Variants in BCAT1 observed in about 807,000 individuals in gnomAD.
BCAT1 encodes branched chain amino acid transaminase 1.
Under a neutral mutation model 52.4 loss-of-function variants are expected in BCAT1, and 48 were observed. The observed-to-expected ratio is 0.92, with a 90% CI of 0.73 to 1.16. The LOEUF is 1.16. BCAT1 is among the 50% of genes most tolerant of loss of function. The pLI, the probability that BCAT1 is intolerant of heterozygous loss-of-function variation, is 0.00. For missense variants in BCAT1, 451 were observed against 457.1 expected (o/e 0.99, Z 0.12); for synonymous variants, 167 against 161.3 (o/e 1.04, Z -0.27).
intron 6 of BCAT1, among the ~76,000 whole-genome samples, chr12:24,846,311 G>C (rs934293942): frequency 6.6e-6 from 1 of 152,152 alleles, no homozygotes; most frequent in African/African-American, 2.4e-5. Context: ...TTTTCCCAGA[G>C]TTCTCTCACA....
intron 6 of BCAT1, 34 bp from the exon 7 acceptor site, chr12:24,842,258 A>G: frequency 6.2e-7 from 1 of 1,609,714 alleles, no homozygotes. Flanking sequence ...GGTTACAAAC[A>G]TACTTCATCC....
intron 5 of BCAT1, among the ~76,000 whole-genome samples, chr12:24,870,743 T>C (rs951343240): frequency 3.9e-5 from 6 of 152,200 alleles, no homozygotes; most frequent in Admixed American, 3.3e-4. Flanking sequence ...AAGATTGTTA[T>C]CAGGCCAAGC....
chr12:24,841,989 A>C (rs10842413), intron 7 of BCAT1, 93 bp downstream of exon 7: 642,954 of 1,415,196 alleles, frequency 0.45, 148,527 homozygotes, highest in East Asian at 0.66. Context: ...GAACTGTGCT[A>C]CTTACTCCCT....
chr12:24,869,775 A>G (rs745520211), intron 5 of BCAT1, among the ~76,000 whole-genome samples: 2 of 152,234 alleles, frequency 1.3e-5, no homozygotes, highest in Non-Finnish European at 2.9e-5. Context: ...CAAAGGAGAA[A>G]GGTACACAAA....
intron 1 of BCAT1, among the ~76,000 whole-genome samples, chr12:24,919,186 AAGAACC>A (rs1943465380): frequency 2.0e-5 from 3 of 152,230 alleles, no homozygotes; most frequent in African/African-American, 7.2e-5. Flanking sequence ...TTAGGCACAA[AAGAACC>A]AAATTAGATT....
At chr12:24,860,801 T>G (rs1770215437) in intron 5 of BCAT1, among the ~76,000 whole-genome samples, 1 of 152,174 alleles carries the variant, frequency 6.6e-6, no homozygotes, top group South Asian at 2.1e-4. Context: ...GGAGCTCCAG[T>G]TATCTTGGGA....
chr12:24,920,911 A>T (rs925268521), intron 1 of BCAT1, among the ~76,000 whole-genome samples: 2 of 152,208 alleles, frequency 1.3e-5, no homozygotes, highest in Non-Finnish European at 2.9e-5. Context: ...GATATTTTTT[A>T]AAATACAAAT....
intron 5 of BCAT1, among the ~76,000 whole-genome samples, chr12:24,865,335 T>C (rs1443864169): frequency 6.6e-6 from 1 of 152,222 alleles, no homozygotes; most frequent in African/African-American, 2.4e-5. Context: ...CCAGTTGCCA[T>C]CGCCCAAAAG....
chr12:24,828,741 C>T (rs936461075), intron 10 of BCAT1, among the ~76,000 whole-genome samples: 5 of 152,128 alleles, frequency 3.3e-5, no homozygotes, highest in Admixed American at 1.3e-4. Flanking sequence ...CATGGTGGCT[C>T]ACGGCTGTAA....
At chr12:24,846,685 A>C (rs903123384) in intron 6 of BCAT1, among the ~76,000 whole-genome samples, 7 of 152,216 alleles carry the variant, frequency 4.6e-5, no homozygotes, top group Non-Finnish European at 1.0e-4. Flanking sequence ...AAACTTTGAA[A>C]TGCTCTAAAA....
intron 5 of BCAT1, 97 bp from the exon 6 acceptor site, chr12:24,850,046 A>C: frequency 8.6e-7 from 1 of 1,168,464 alleles, no homozygotes; most frequent in Non-Finnish European, 1.2e-6. Flanking sequence ...AGAAGAAGCC[A>C]TCGAATTACA....
chr12:24,846,469 G>A (rs967425327), intron 6 of BCAT1, among the ~76,000 whole-genome samples: 11 of 152,184 alleles, frequency 7.2e-5, no homozygotes, highest in African/African-American at 2.7e-4. Flanking sequence ...TGTTGACATA[G>A]AAACATTTCA....
At chr12:24,903,198 C>T (rs1472695045) in intron 1 of BCAT1, 2 of 1,116,238 alleles carry the variant, frequency 1.8e-6, no homozygotes, top group African/African-American at 3.2e-5. Context: ...CGTCTCGTCC[C>T]AGTCTGTCTG....
chr12:24,941,832 C>T (rs1943853494), intron 1 of BCAT1, among the ~76,000 whole-genome samples: 1 of 152,186 alleles, frequency 6.6e-6, no homozygotes, highest in Non-Finnish European at 1.5e-5. Context: ...CACAAGGTGT[C>T]TGGGGAGTGG....
intron 5 of BCAT1, among the ~76,000 whole-genome samples, chr12:24,869,609 C>T (rs1942123451): frequency 6.6e-6 from 1 of 152,152 alleles, no homozygotes; most frequent in Non-Finnish European, 1.5e-5. Context: ...CACTTCAACT[C>T]CTAGGTAAAT....
Position 24,813,793 on chromosome 12 carries a change from G to A in BCAT1, c.*4215C>T, listed in dbSNP as rs1939775088. 1 of 152,056 alleles carries A rather than the reference G, an allele frequency of 6.6e-6. No individual in the cohort carries two copies. The highest frequency in any genetic ancestry group is 2.4e-5 in the African/African-American group (1 of 41,428). The allele number at this position is 152,056 out of a possible 1,614,324, so 9.4% of individuals were successfully genotyped here. On this transcript the variant is annotated 3_prime_UTR_variant, in exon 11 of 11. Transcript: ENST00000261192. ...ACTATTCATTGATTTCTTGATAAGAGATGTGTTCTGGCCTTCTTTGCTTAT... is the reference window on the plus strand; with the variant it reads ...ACTATTCATTGATTTCTTGATAAGAAATGTGTTCTGGCCTTCTTTGCTTAT...
chr12:24,913,517 G>T (rs1388228277), intron 1 of BCAT1, among the ~76,000 whole-genome samples: 1 of 152,192 alleles, frequency 6.6e-6, no homozygotes, highest in Non-Finnish European at 1.5e-5. Context: ...CGATGGCTCA[G>T]GGTTGCCATC....
rs146339805 is a variant in BCAT1 at position 24,922,044 on chromosome 12, G to T, written c.7-20159C>A. Among the ~76,000 whole-genome samples, 316 of 152,274 alleles carry T rather than the reference G, an allele frequency of 2.1e-3. 2 individuals carry two copies. The highest frequency in any genetic ancestry group is 2.5e-3 in the Admixed American group (38 of 15,294). The stretch of plus-strand genomic sequence containing the variant: ...AAGAACTAGGGGTCCTGATAAGCTG[G>T]CACATAAACCTGTTGTTCCCATCAA... On this transcript the variant is annotated intron_variant, in intron 1 of 10. Coordinates refer to ENST00000261192, the MANE Select transcript of BCAT1 (RefSeq NM_005504.7).
At chr12:24,905,443 C>T (rs1943210212) in intron 1 of BCAT1, among the ~76,000 whole-genome samples, 1 of 152,154 alleles carries the variant, frequency 6.6e-6, no homozygotes, top group African/African-American at 2.4e-5. Flanking sequence ...TGCATGACTG[C>T]ATGCAATAAT....
Sources: allele counts gnomAD v4.1 joint callset (sites outside exome capture counted in the v4.1 genomes callset), GRCh38; gene constraint gnomAD v4.1.1; transcripts MANE v1.5; gene names NCBI Gene and HGNC (gene_info 2026-07-23, HGNC 2026-07-21).